CBLB: variants seen among roughly 807,000 people sequenced by gnomAD.
The protein encoded by CBLB is Cbl proto-oncogene B.
In CBLB, 31 loss-of-function variants were observed where a neutral mutation model predicts 104.9. The ratio of observed to expected loss-of-function variants is 0.30; its 90% CI spans 0.22 to 0.40. The LOEUF (loss-of-function observed/expected upper bound fraction) is 0.40, where lower values mean the gene tolerates loss of function less well. Ranked by LOEUF, CBLB falls within the 10% of genes least tolerant of loss-of-function variation. CBLB has a pLI of 1.00. For missense variants in CBLB, 1,062 were observed against 1,214.6 expected, an observed-to-expected ratio of 0.87 and a Z score of 1.87; for synonymous variants, 440 against 422.6, an observed-to-expected ratio of 1.04 and a Z score of -0.51.
At chr3:105,744,115 G>C (rs2075881830) in intron 6 of CBLB, among the ~76,000 whole-genome samples, 1 of 152,146 alleles carries the variant, frequency 6.6e-6, no homozygotes, top group Non-Finnish European at 1.5e-5. Context: ...TTTCCAAATA[G>C]TAATGAGACC....
rs953376009 is a variant in CBLB, at chr3:105,734,002, A to C, written c.1203+7T>G. ...AAGAAAGACATCCATGTTGCTAATG[A>C]TTATACCTGCCATGCCGTAAGGCAA... On this transcript the variant is annotated splice_region_variant and intron_variant, in intron 9 of 18. Transcript: ENST00000394030. 1.2e-6 allele frequency: 2 copies of C among 1,613,364 alleles called. No individual in the cohort carries two copies. The highest frequency in any genetic ancestry group is 2.7e-5 in the African/African-American group (2 of 74,930).
rs1386924717 is a variant in CBLB, at chr3:105,806,177, T to C, written c.420-29635A>G. On this transcript the variant is annotated intron_variant, in intron 3 of 18. Coordinates refer to ENST00000394030, the MANE Select transcript of CBLB (RefSeq NM_170662.5). Reference sequence around the variant, plus strand: ...TTTGCTCAAGAAAGAACAATGTGAATGAAATTGATTCTGGGTTTAAAAACT... The same window carrying C: ...TTTGCTCAAGAAAGAACAATGTGAACGAAATTGATTCTGGGTTTAAAAACT... Among the ~76,000 whole-genome samples the C allele has an allele frequency of 4.6e-5, 7 of 152,280 alleles. No individual in the cohort carries two copies. The South Asian group carries it at 1.5e-3, about 32-fold the overall frequency.
At chr3:105,790,040 A>G (rs2081461830) in intron 3 of CBLB, among the ~76,000 whole-genome samples, 1 of 152,238 alleles carries the variant, frequency 6.6e-6, no homozygotes, top group Non-Finnish European at 1.5e-5. Flanking sequence ...CAATAGATGC[A>G]CTGCTATACC....
At chr3:105,797,782 T>G in intron 3 of CBLB, among the ~76,000 whole-genome samples, 1 of 152,242 alleles carries the variant, frequency 6.6e-6, no homozygotes, top group South Asian at 2.1e-4. Flanking sequence ...GTAATGTGAT[T>G]CAGACATCAG....
chr3:105,692,691 A>G (rs1483528441), intron 13 of CBLB, among the ~76,000 whole-genome samples: 1 of 151,972 alleles, frequency 6.6e-6, no homozygotes, highest in Admixed American at 6.6e-5. Flanking sequence ...AAGGGAAACA[A>G]TGCTAGTTTT....
chr3:105,740,633 T>C lies in CBLB; in HGVS notation c.846-2A>G. ...GTGCAACTTAACCGGAAAATATAGC[T>C]GCAAAACATAAGAAAATTACATCTA... On this transcript the variant is annotated splice_acceptor_variant, in intron 6 of 18. Transcript: ENST00000394030. LOFTEE classifies it high-confidence loss of function. 6.2e-7 allele frequency: 1 copy of C among 1,612,834 alleles called. No homozygotes were observed. Among genetic ancestry groups the C allele is most frequent in the Non-Finnish European group, 8.5e-7 (1 of 1,178,876 alleles).
intron 18 of CBLB, among the ~76,000 whole-genome samples, chr3:105,668,564 T>C (rs1460550847): frequency 6.6e-6 from 1 of 152,222 alleles, no homozygotes; most frequent in Non-Finnish European, 1.5e-5. Flanking sequence ...CTGTCAGATA[T>C]TGTCTTTCTT....
rs996228030 is a variant in CBLB, at chr3:105,685,375, G to T, written c.2146C>A (p.Pro716Thr). 1 of 1,613,152 alleles carries T rather than the reference G, an allele frequency of 6.2e-7. No individual in the cohort carries two copies. Among genetic ancestry groups the T allele is most frequent in the Admixed American group, 1.7e-5 (1 of 60,018 alleles). Reference sequence around the variant, plus strand: ...GATGGTTGTGAATTCAGGGAAACAGGGTGGGATGAAGGAATCTTGTATTCA... The same window carrying T: ...GATGGTTGTGAATTCAGGGAAACAGTGTGGGATGAAGGAATCTTGTATTCA... ...DDEYKIPSSH[P>T]VSLNSQPSHC... Residue 716 changes from proline to threonine, a missense_variant, in exon 14 of 19, where the codon CCT becomes ACT. By Grantham distance (38) the Pro-to-Thr change is conservative (BLOSUM62 -1). Around this residue, in one of 2 missense-constraint regions of CBLB, gnomAD observed 605 missense variants for 582.6 expected, o/e 1.04. Transcript: ENST00000394030.
At chr3:105,722,344 A>G (rs2073007023) in intron 9 of CBLB, among the ~76,000 whole-genome samples, 1 of 152,178 alleles carries the variant, frequency 6.6e-6, no homozygotes, top group Admixed American at 6.5e-5. Flanking sequence ...AAATTATTAT[A>G]GAAAATCTCA....
chr3:105,676,640 G>A (rs2065676696), intron 17 of CBLB, among the ~76,000 whole-genome samples: 1 of 152,042 alleles, frequency 6.6e-6, no homozygotes, highest in Admixed American at 6.5e-5. Context: ...TTTTGAATAA[G>A]TGAAAAAAAA....
intron 3 of CBLB, among the ~76,000 whole-genome samples, chr3:105,834,204 TAA>T (rs929137135): frequency 7.2e-5 from 11 of 152,080 alleles, no homozygotes; most frequent in Admixed American, 7.2e-4. Context: ...TGAAAATTGC[TAA>T]GAGGGTATAT....
chr3:105,728,819 T>C (rs545151051), intron 9 of CBLB, among the ~76,000 whole-genome samples: 1 of 152,284 alleles, frequency 6.6e-6, no homozygotes, highest in Non-Finnish European at 1.5e-5. Flanking sequence ...CTGACACCTC[T>C]TCAGAGGCAT....
rs563307214 is a variant in CBLB, at chr3:105,658,158, C to T, written c.*812G>A. The T allele has an allele frequency of 4.6e-6, 1 of 217,298 alleles. No homozygotes were observed. Among genetic ancestry groups the T allele is most frequent in the African/African-American group, 2.2e-5 (1 of 44,494 alleles). 13.5% of individuals were successfully genotyped at this position (217,298 alleles called of 1,614,324 possible). The stretch of plus-strand genomic sequence containing the variant: ...CTCTCTTCCACATCTGTAGTAGCTG[C>T]TTTCTAATATTGTAGATTTTTACAG... On this transcript the variant is annotated 3_prime_UTR_variant, in exon 19 of 19. Coordinates refer to ENST00000394030, the MANE Select transcript of CBLB (RefSeq NM_170662.5).
chr3:105,799,481 T>C (rs944729996), intron 3 of CBLB, among the ~76,000 whole-genome samples: 3 of 152,276 alleles, frequency 2.0e-5, no homozygotes, highest in South Asian at 2.1e-4. Context: ...AGTTATTCTA[T>C]GCACAACTGG....
At chr3:105,681,992 G>T in intron 14 of CBLB, 174 bp from the exon 15 acceptor site, 3 of 593,610 alleles carry the variant, frequency 5.1e-6, no homozygotes, top group South Asian at 2.1e-5. Context: ...ATTTTAAAAT[G>T]TAGAAGTAAA....
chr3:105,752,314 G>A (rs1364565707), intron 4 of CBLB, among the ~76,000 whole-genome samples: 1 of 152,128 alleles, frequency 6.6e-6, no homozygotes, highest in Admixed American at 6.5e-5. Context: ...AAATTTAGAA[G>A]AGCACAGAAT....
chr3:105,869,255 G>A (rs900239392), upstream of CBLB: 2 of 735,020 alleles, frequency 2.7e-6, no homozygotes, highest in Non-Finnish European at 4.3e-6. Context: ...GGAGAGAAAT[G>A]AGGGGCCTGG....
chr3:105,751,509 C>T lies in CBLB; in HGVS notation c.676G>A (p.Asp226Asn), dbSNP rs1412821889. 5.0e-6 allele frequency: 8 copies of T among 1,611,572 alleles called. No individual in the cohort carries two copies. The highest frequency in any genetic ancestry group is 3.3e-4 in the Middle Eastern group (2 of 6,056). The change falls in exon 5 of 19, where the codon GAT becomes AAT. Residue 226 changes from aspartate to asparagine, a missense_variant. By Grantham distance (23) the Asp-to-Asn change is conservative. Transcript: ENST00000394030. ...TCAAATTCAAAAACTGAAATGTAAT[C>T]ATTGCAAGTTAAATCAATTGTTGAT... ...LKSTIDLTCN[D>N]YISVFEFDIF...
intron 3 of CBLB, among the ~76,000 whole-genome samples, chr3:105,841,225 G>A (rs1193420010): frequency 6.6e-6 from 1 of 150,826 alleles, no homozygotes; most frequent in Non-Finnish European, 1.5e-5. Flanking sequence ...GAACCTGGGA[G>A]GCGGAGGTTG....
Sources: allele counts gnomAD v4.1 joint callset (sites outside exome capture counted in the v4.1 genomes callset), GRCh38; gene constraint gnomAD v4.1.1; regional missense constraint gnomAD v4.1.1; transcripts MANE v1.5; gene names NCBI Gene and HGNC (gene_info 2026-07-23, HGNC 2026-07-21).